Variants in LEPR observed in about 807,000 individuals in gnomAD.
The protein encoded by LEPR is leptin receptor.
In LEPR, 56 loss-of-function variants were observed where a neutral mutation model predicts 114.7. The observed-to-expected ratio is 0.49, with a 90% CI of 0.39 to 0.61. The LOEUF (loss-of-function observed/expected upper bound fraction) is 0.61. LEPR is among the 20% of genes least tolerant of loss of function. The pLI, the probability that LEPR is intolerant of heterozygous loss-of-function variation, is 0.00. For missense variants in LEPR, 1,202 were observed against 1,352.9 expected, an observed-to-expected ratio of 0.89 and a Z score of 1.75; for synonymous variants, 443 against 461.4, an observed-to-expected ratio of 0.96 and a Z score of 0.51.
intron 2 of LEPR, among the ~76,000 whole-genome samples, chr1:65,549,607 G>T (rs1461527223): frequency 6.6e-6 from 1 of 152,092 alleles, no homozygotes; most frequent in East Asian, 1.9e-4. Flanking sequence ...GATCGCATTG[G>T]CTCCTGAGGC....
At chr1:65,488,212 C>CTTTCTTTCTTTCTTTCTT (rs756857644) in intron 2 of LEPR, among the ~76,000 whole-genome samples, 2 of 36,412 alleles carry the variant, frequency 5.5e-5, no homozygotes, top group Non-Finnish European at 9.4e-5. Flanking sequence ...TTCTTTCTTT[C>CTTTCTTTCTTTCTTTCTT]TCTCTCTCTC....
intron 2 of LEPR, chr1:65,486,498 T>C (rs1647492684): frequency 6.6e-6 from 1 of 152,198 alleles, no homozygotes; most frequent in African/African-American, 2.4e-5. Flanking sequence ...ACATATCATA[T>C]GTAAGCAGGT....
intron 2 of LEPR, among the ~76,000 whole-genome samples, chr1:65,518,795 C>G (rs1649416160): frequency 6.6e-6 from 1 of 152,120 alleles, no homozygotes; most frequent in Admixed American, 6.5e-5. Context: ...CCAATAACAC[C>G]TTTCTCATTT....
intron 2 of LEPR, among the ~76,000 whole-genome samples, chr1:65,451,620 C>A (rs1437110331): frequency 6.6e-6 from 1 of 152,184 alleles, no homozygotes; most frequent in Non-Finnish European, 1.5e-5. Flanking sequence ...GGGCTCTGTT[C>A]TGTTCCACTG....
At position 65,470,806 on chromosome 1, in the gene LEPR, C is replaced by T. The variant is rs1349283655; in HGVS notation, c.-21+45428C>T. ...TCATCAGTGTAGGGGAAAGTCCTAACCTTATTTCAAAAATGTGCAAAATAT... is the reference window on the plus strand; with the variant it reads ...TCATCAGTGTAGGGGAAAGTCCTAATCTTATTTCAAAAATGTGCAAAATAT... On this transcript the variant is annotated intron_variant, in intron 2 of 19. Coordinates refer to ENST00000349533, the MANE Select transcript of LEPR (RefSeq NM_002303.6). Among the ~76,000 whole-genome samples the T allele has an allele frequency of 2.0e-5, 3 of 152,278 alleles. No homozygotes were observed. The East Asian group carries it at 5.8e-4, about 29-fold the overall frequency.
At chr1:65,516,199 C>CTGA (rs1332065461) in intron 2 of LEPR, among the ~76,000 whole-genome samples, 1 of 152,122 alleles carries the variant, frequency 6.6e-6, no homozygotes, top group African/African-American at 2.4e-5. Flanking sequence ...CTTTGGGAGG[C>CTGA]TGAGGCAGGC....
chr1:65,582,939 A>G (rs1938489), intron 5 of LEPR, among the ~76,000 whole-genome samples: 32,778 of 152,138 alleles, frequency 0.22, 3,794 homozygotes, highest in South Asian at 0.28. Flanking sequence ...AATACATTAT[A>G]TCTTCAAAAG....
chr1:65,423,230 C>T (rs1039936048), intron 1 of LEPR, among the ~76,000 whole-genome samples: 3 of 152,066 alleles, frequency 2.0e-5, no homozygotes, highest in African/African-American at 7.2e-5. Context: ...GCATCAGTTG[C>T]GGCCGGGCCC....
At chr1:65,600,311 TG>T (rs1194892821) in intron 8 of LEPR, among the ~76,000 whole-genome samples, 1 of 152,108 alleles carries the variant, frequency 6.6e-6, no homozygotes, top group African/African-American at 2.4e-5. Context: ...TCTAATGGTC[TG>T]GCTCCTGTGC....
intron 2 of LEPR, among the ~76,000 whole-genome samples, chr1:65,440,174 C>T (rs955685580): frequency 9.9e-5 from 15 of 152,008 alleles, no homozygotes; most frequent in Admixed American, 7.9e-4. Flanking sequence ...GGAATCAACA[C>T]GATGGGACCT....
Position 65,616,052 on chromosome 1 carries a change from G to A in LEPR, c.2040G>A (p.Val680=). The change falls in exon 15 of 20, where the codon GTG becomes GTA. Residue 680 remains valine, a synonymous_variant. Coordinates refer to ENST00000349533, the MANE Select transcript of LEPR (RefSeq NM_002303.6). ...NDSLCSVQRY[V]INHHTSCNGT... ...CATTGTGCAGTGTTCAGAGATATGT[G>A]ATAAACCATCATACTTCCTGCAATG... 4 of 1,614,126 alleles carry A rather than the reference G, an allele frequency of 2.5e-6. No homozygotes were observed. The highest frequency in any genetic ancestry group is 3.4e-6 in the Non-Finnish European group (4 of 1,180,008).
At chr1:65,478,219 G>A (rs1404151775) in intron 2 of LEPR, among the ~76,000 whole-genome samples, 1 of 152,124 alleles carries the variant, frequency 6.6e-6, no homozygotes, top group African/African-American at 2.4e-5. Context: ...GGGAGACCTG[G>A]GTCCCACTGA....
intron 14 of LEPR, among the ~76,000 whole-genome samples, chr1:65,610,790 C>T (rs1334030150): frequency 6.6e-6 from 1 of 152,196 alleles, no homozygotes; most frequent in Non-Finnish European, 1.5e-5. Context: ...TCAAAGCATC[C>T]TCTCCCAAAT....
At chr1:65,605,436 C>CT (rs35307544) in intron 11 of LEPR, among the ~76,000 whole-genome samples, 199 bp downstream of exon 11, 24 of 152,178 alleles carry the variant, frequency 1.6e-4, no homozygotes, top group Admixed American at 5.9e-4. Context: ...TTATAGCAGA[C>CT]TTTTTTTAGC....
At chr1:65,478,154 T>C (rs1201801857) in intron 2 of LEPR, among the ~76,000 whole-genome samples, 1 of 152,152 alleles carries the variant, frequency 6.6e-6, no homozygotes, top group African/African-American at 2.4e-5. Context: ...AAGGGCTTCT[T>C]ATAAAAACTA....
At chr1:65,493,227 C>A (rs1027244291) in intron 2 of LEPR, among the ~76,000 whole-genome samples, 7 of 152,132 alleles carry the variant, frequency 4.6e-5, no homozygotes, top group Admixed American at 2.0e-4. Flanking sequence ...TTTGTCGATT[C>A]TTCCCGGACG....
Position 65,605,140 on chromosome 1 carries a change from A to G in LEPR, c.1506A>G (p.Pro502=), listed in dbSNP as rs202042522. ...GTTTTTATGAATGCATTTTCCAGCC[A>G]ATCTTCCTATTATCTGGCTACACAA... ...SDGFYECIFQ[P]IFLLSGYTMW... Residue 502 remains proline (P), a synonymous_variant, in exon 11 of 20, where the codon CCA becomes CCG. Transcript: ENST00000349533. 31 of 1,614,164 alleles carry G rather than the reference A, an allele frequency of 1.9e-5. No individual in the cohort carries two copies. The East Asian group carries it at 6.9e-4, about 36-fold the overall frequency.
chr1:65,453,238 A>C (rs1016857014), intron 2 of LEPR, among the ~76,000 whole-genome samples: 2 of 151,752 alleles, frequency 1.3e-5, no homozygotes, highest in African/African-American at 2.4e-5. Flanking sequence ...CAGCTCCTGG[A>C]TTCATTAATT....
At chr1:65,564,747 C>T (rs1028716086) in intron 2 of LEPR, among the ~76,000 whole-genome samples, 6 of 152,102 alleles carry the variant, frequency 3.9e-5, no homozygotes, top group Non-Finnish European at 8.8e-5. Flanking sequence ...AACCCAAGTC[C>T]CACAGCTGAT....
Sources: allele counts gnomAD v4.1 joint callset (sites outside exome capture counted in the v4.1 genomes callset), GRCh38; gene constraint gnomAD v4.1.1; transcripts MANE v1.5; gene names NCBI Gene and HGNC (gene_info 2026-07-23, HGNC 2026-07-21).